The following TP53INP1 variants were observed in gnomAD, a reference collection of about 807,000 sequenced individuals.
The protein encoded by TP53INP1 is tumor protein p53-inducible nuclear protein 1.
TP53INP1 carries 12 observed loss-of-function variants against 21.0 expected under a neutral mutation model. That is an observed-to-expected ratio of 0.57 (90% CI 0.37 to 0.93). TP53INP1 has a LOEUF of 0.93. Ranked by LOEUF, TP53INP1 falls within the 40% of genes least tolerant of loss-of-function variation. The pLI is 0.01. For missense variants in TP53INP1, 274 were observed against 294.7 expected (o/e 0.93, Z 0.51); for synonymous variants, 91 against 94.8 (o/e 0.96, Z 0.23).
At chr8:94,935,172 G>GATAGATAT (rs1167646491) in intron 3 of TP53INP1, among the ~76,000 whole-genome samples, 1 of 151,454 alleles carries the variant, frequency 6.6e-6, no homozygotes, top group Non-Finnish European at 1.5e-5. Flanking sequence ...TAGATAGATA[G>GATAGATAT]ATATAATACA....
chr8:94,931,981 AAG>A (rs539761545), intron 3 of TP53INP1: 2 of 1,350,854 alleles, frequency 1.5e-6, no homozygotes, highest in South Asian at 1.3e-5. Context: ...CAAAAAAAGA[AAG>A]AAAGTCATTT....
At chr8:94,934,705 C>T (rs1386523203) in intron 3 of TP53INP1, among the ~76,000 whole-genome samples, 1 of 152,134 alleles carries the variant, frequency 6.6e-6, no homozygotes, top group South Asian at 2.1e-4. Context: ...GAGTGGCATT[C>T]CTCAGAGGTA....
At chr8:94,933,074 T>C (rs898735428) in intron 3 of TP53INP1, among the ~76,000 whole-genome samples, 1 of 151,952 alleles carries the variant, frequency 6.6e-6, no homozygotes, top group Non-Finnish European at 1.5e-5. Context: ...AAAAATTAGC[T>C]GGAGATGGTG....
intron 1 of TP53INP1, among the ~76,000 whole-genome samples, chr8:94,942,945 A>G (rs1215254775): frequency 2.0e-5 from 3 of 152,250 alleles, no homozygotes; most frequent in Admixed American, 2.0e-4. Context: ...GGAAGGGAAA[A>G]GTCAAAGACC....
intron 1 of TP53INP1, among the ~76,000 whole-genome samples, chr8:94,948,136 C>T (rs1261592456): frequency 1.3e-5 from 2 of 152,184 alleles, no homozygotes; most frequent in African/African-American, 2.4e-5. Context: ...CCTTAATCCA[C>T]TCTGTATTGG....
chr8:94,942,202 A>G (rs1821608166), intron 1 of TP53INP1, among the ~76,000 whole-genome samples: 1 of 151,552 alleles, frequency 6.6e-6, no homozygotes. Flanking sequence ...ACATCCGGCT[A>G]ATTTCTTTTT....
In TP53INP1 at chr8:94,926,098, T is replaced by C. The variant is rs1026282843; in HGVS notation, c.*4381A>G. 3.9e-5 allele frequency: 6 copies of C among 152,604 alleles called. No individual in the cohort carries two copies. Among genetic ancestry groups the C allele is most frequent in the African/African-American group, 1.4e-4 (6 of 41,436 alleles). 9.5% of individuals were successfully genotyped at this position (152,604 alleles called of 1,614,324 possible). A position where few individuals can be genotyped will look rare whatever the true frequency, so the allele number is the denominator to read the frequency against. On this transcript the variant is annotated 3_prime_UTR_variant, in exon 4 of 4. Transcript: ENST00000342697. ...CAATGTTTAAACAATGCTACACTCA[T>C]TTTTGGCAAAGTGCTGTATTGTTCA...
intron 1 of TP53INP1, among the ~76,000 whole-genome samples, chr8:94,943,423 G>C (rs1425279052): frequency 6.6e-6 from 1 of 152,170 alleles, no homozygotes; most frequent in African/African-American, 2.4e-5. Context: ...CAGGTTCAAG[G>C]ATGCAGTAAG....
chr8:94,935,278 C>T (rs2956197), intron 3 of TP53INP1, among the ~76,000 whole-genome samples: 1 of 152,144 alleles, frequency 6.6e-6, no homozygotes, highest in African/African-American at 2.4e-5. Context: ...GACCCTCAAC[C>T]TAAGAGAGGG....
intron 3 of TP53INP1, among the ~76,000 whole-genome samples, chr8:94,932,696 G>A (rs927927269): frequency 5.3e-5 from 8 of 152,130 alleles, no homozygotes; most frequent in Non-Finnish European, 8.8e-5. Flanking sequence ...CCAGCTACTC[G>A]GGAGGCTGAG....
At chr8:94,945,985 T>G (rs775719781) in intron 1 of TP53INP1, among the ~76,000 whole-genome samples, 2 of 152,168 alleles carry the variant, frequency 1.3e-5, no homozygotes, top group African/African-American at 2.4e-5. Context: ...AAAAAATAAA[T>G]TATGTCTTTT....
chr8:94,941,197 C>CCTG, intron 1 of TP53INP1, 106 bp from the exon 2 acceptor site: 1 of 327,924 alleles, frequency 3.0e-6, no homozygotes, highest in Non-Finnish European at 5.5e-6. Context: ...ATGCCTTGGC[C>CCTG]TACATTCTAC....
chr8:94,940,912 CACAA>C lies in TP53INP1; in HGVS notation c.26_29del (p.Phe9TrpfsTer28). On this transcript the variant is annotated frameshift_variant, in exon 2 of 4. Transcript: ENST00000342697. LOFTEE classifies it high-confidence loss of function. ...GGTTGGAGGAAGAACTGACTTCACCCACAAACATTTTATTCAGCCTCTGGAACAT... is the reference window on the plus strand; with the variant it reads ...GGTTGGAGGAAGAACTGACTTCACCCACATTTTATTCAGCCTCTGGAACAT... The C allele has an allele frequency of 1.2e-6, 2 of 1,613,810 alleles. No homozygotes were observed. The highest frequency in any genetic ancestry group is 8.5e-7 in the Non-Finnish European group (1 of 1,179,908).
intron 3 of TP53INP1, among the ~76,000 whole-genome samples, chr8:94,937,304 G>A (rs985994711): frequency 6.6e-6 from 1 of 152,080 alleles, no homozygotes; most frequent in Non-Finnish European, 1.5e-5. Context: ...ACCCAGGTAT[G>A]GTGGCGGGCG....
intron 1 of TP53INP1, among the ~76,000 whole-genome samples, chr8:94,942,742 G>C (rs1267742061): frequency 6.6e-6 from 1 of 152,184 alleles, no homozygotes; most frequent in Non-Finnish European, 1.5e-5. Flanking sequence ...GTGGACTCCT[G>C]CAATGACTTT....
At chr8:94,934,993 A>G (rs996823942) in intron 3 of TP53INP1, among the ~76,000 whole-genome samples, 1 of 152,200 alleles carries the variant, frequency 6.6e-6, no homozygotes, top group African/African-American at 2.4e-5. Context: ...ATAAAAAATC[A>G]TCTACAATAT....
intron 2 of TP53INP1, 146 bp from the exon 3 acceptor site, chr8:94,940,366 C>T (rs181057921): frequency 3.8e-5 from 35 of 915,418 alleles, no homozygotes; most frequent in South Asian, 5.4e-5. Flanking sequence ...CTGATGCTCA[C>T]GTATCTTCTT....
At position 94,928,818 on chromosome 8, in the gene TP53INP1, A is replaced by G. The variant is rs1351978277; in HGVS notation, c.*1661T>C. On this transcript the variant is annotated 3_prime_UTR_variant, in exon 4 of 4. Coordinates refer to ENST00000342697, the MANE Select transcript of TP53INP1 (RefSeq NM_033285.4). ...TCAAGCCACTACAGGGTTATTGAAA[A>G]ATATAATACTTCACTTAAGGATATG... is the stretch of plus-strand genomic sequence containing the variant. 1.3e-5 allele frequency: 2 copies of G among 152,366 alleles called. No homozygotes were observed. The highest frequency in any genetic ancestry group is 4.8e-5 in the African/African-American group (2 of 41,454). The allele number at this position is 152,366 out of a possible 1,614,324, so 9.4% of individuals were successfully genotyped here.
At chr8:94,940,272 G>T in intron 2 of TP53INP1, 52 bp from the exon 3 acceptor site, 1 of 1,533,348 alleles carries the variant, frequency 6.5e-7, no homozygotes, top group Non-Finnish European at 8.8e-7. Flanking sequence ...GAGTCCCACA[G>T]GAGGATGATT....
Sources: gnomAD v4.1 joint callset for allele counts (sites outside exome capture counted in the v4.1 genomes callset) on GRCh38, gnomAD v4.1.1 for gene constraint, MANE v1.5 for transcripts, NCBI Gene and HGNC (gene_info 2026-07-23, HGNC 2026-07-21) for gene names.